DPP6: variants seen among roughly 807,000 people sequenced by gnomAD.
DPP6 encodes the protein dipeptidyl peptidase like 6, also known as A-type potassium channel modulatory protein DPP6.
In DPP6, 69 loss-of-function variants were observed where a neutral mutation model predicts 122.6. That is an observed-to-expected ratio of 0.56 (90% CI 0.46 to 0.69). The LOEUF (loss-of-function observed/expected upper bound fraction) is 0.69, where lower values mean the gene tolerates loss of function less well. Among genes scored for constraint, DPP6 ranks in the 30% least tolerant of loss-of-function variants. The probability of loss-of-function intolerance (pLI) is 0.00; values close to 1 mark genes in which losing one functional copy is unlikely to be tolerated. For missense variants in DPP6, 928 were observed against 1,116.9 expected, an observed-to-expected ratio of 0.83 and a Z score of 2.41; for synonymous variants, 418 against 433.1, an observed-to-expected ratio of 0.97 and a Z score of 0.43.
Position 154,367,996 on chromosome 7 carries a change from C to T in DPP6, c.244-78218C>T, listed in dbSNP as rs185974390. On this transcript the variant is annotated intron_variant, in intron 1 of 25. Coordinates refer to ENST00000377770, the MANE Select transcript of DPP6 (RefSeq NM_130797.4). The stretch of plus-strand genomic sequence containing the variant: ...TGATTTTTTGTATTTTTAGTAGAGA[C>T]AGGGTTTTACCATGTTGGCCAGGCT... 2.4e-3 allele frequency among the ~76,000 whole-genome samples: 361 copies of T among 152,142 alleles called. 3 individuals carry two copies. The highest frequency in any genetic ancestry group is 8.3e-3 in the African/African-American group (346 of 41,498).
intron 5 of DPP6, 121 bp downstream of exon 5, chr7:154,567,037 C>A (rs986630867): frequency 2.2e-5 from 16 of 726,996 alleles, no homozygotes; most frequent in Non-Finnish European, 2.9e-5. Context: ...CTTTGTACAT[C>A]CTGGAAGTCT....
chr7:154,023,189 C>A (rs943692502), intron 1 of DPP6, among the ~76,000 whole-genome samples: 7 of 151,878 alleles, frequency 4.6e-5, no homozygotes, highest in Non-Finnish European at 7.4e-5. Context: ...GACAAAGGTG[C>A]AGACTTACCC....
chr7:154,568,508 G>A (rs765798457), intron 5 of DPP6, among the ~76,000 whole-genome samples: 3 of 152,322 alleles, frequency 2.0e-5, no homozygotes, highest in East Asian at 1.9e-4. Flanking sequence ...AGGGGTTCCC[G>A]CAGCCGTGTG....
intron 1 of DPP6, among the ~76,000 whole-genome samples, chr7:154,355,122 T>G (rs1342730718): frequency 6.6e-6 from 1 of 152,372 alleles, no homozygotes; most frequent in East Asian, 1.9e-4. Flanking sequence ...CCTTTTTAGA[T>G]GCTATTGGCC....
At chr7:154,796,018 C>T (rs1798031594) in intron 12 of DPP6, 135 bp downstream of exon 12, 9 of 1,369,610 alleles carry the variant, frequency 6.6e-6, no homozygotes, top group Non-Finnish European at 8.7e-6. Context: ...AAACAGACGG[C>T]GTGCCGGCTC....
Position 154,833,375 on chromosome 7 carries a change from G to T in DPP6, c.1667-20405G>T, listed in dbSNP as rs556374097. On this transcript the variant is annotated intron_variant, in intron 16 of 25. Transcript: ENST00000377770. The surrounding 1 kb of genome is among the most constrained non-coding windows in gnomAD (Gnocchi z 4.3). ...GTGTTTGGTAACTGGTAAAAATGGG[G>T]TGTGGGGAGGAAAAGGCAGACAACC... 6.6e-6 allele frequency among the ~76,000 whole-genome samples: 1 copy of T among 152,352 alleles called. No homozygotes were observed. The highest frequency in any genetic ancestry group is 1.9e-4 in the East Asian group (1 of 5,186).
chr7:154,529,518 A>G (rs1323525336), intron 3 of DPP6, among the ~76,000 whole-genome samples: 1 of 152,256 alleles, frequency 6.6e-6, no homozygotes, highest in East Asian at 1.9e-4. Context: ...TACTTAAGAT[A>G]CAAATAACCA....
In DPP6 at chr7:154,052,929, G is replaced by C; in HGVS notation, c.109G>C (p.Gly37Arg). Residue 37 changes from glycine (G) to arginine (R), a missense_variant, in exon 1 of 26, where the codon GGC (glycine) becomes CGC (arginine). Transcript: ENST00000377770. This position sits in a 1 kb window ranked among gnomAD's most constrained non-coding sequence, Gnocchi z 4.8. The stretch of plus-strand genomic sequence containing the variant: ...GGGCGGCCAGGGGCCCGAGGAGGAC[G>C]GCGGCGCAGGAGCCAAGCCCCTCGG... ...LLGGQGPEED[G>R]GAGAKPLGPR... The C allele has an allele frequency of 6.8e-7, 1 of 1,468,006 alleles. No individual in the cohort carries two copies. Among genetic ancestry groups the C allele is most frequent in the Non-Finnish European group, 9.0e-7 (1 of 1,105,034 alleles). The allele number at this position is 1,468,006 out of a possible 1,614,324, so 90.9% of individuals were successfully genotyped here.
intron 1 of DPP6, among the ~76,000 whole-genome samples, chr7:154,365,879 A>C (rs1335791169): frequency 6.7e-6 from 1 of 148,928 alleles, no homozygotes; most frequent in African/African-American, 2.5e-5. Context: ...AATGGCGTGA[A>C]CCTGGGAGGC....
intron 2 of DPP6, among the ~76,000 whole-genome samples, chr7:154,469,304 A>G (rs1822059023): frequency 6.6e-6 from 1 of 152,198 alleles, no homozygotes; most frequent in African/African-American, 2.4e-5. Flanking sequence ...TCATCCCAAC[A>G]ATAGTTATTT....
chr7:154,063,617 CA>C lies in DPP6; in HGVS notation c.243+10555del, dbSNP rs1407523932. On this transcript the variant is annotated intron_variant, in intron 1 of 25. Coordinates refer to ENST00000377770, the MANE Select transcript of DPP6 (RefSeq NM_130797.4). ...CCATCGCAGTGAGGGAGGCACCCCC[CA>C]CGAGGCAGGGACTGAGAGCCACTCC... Among the ~76,000 whole-genome samples, 4 of 125,566 alleles carry C rather than the reference CA, an allele frequency of 3.2e-5. 1 individual carries two copies. Among genetic ancestry groups the C allele is most frequent in the Non-Finnish European group, 6.6e-5 (4 of 60,760 alleles). 82.4% of individuals were successfully genotyped at this position (125,566 alleles called of 152,430 possible).
intron 17 of DPP6, among the ~76,000 whole-genome samples, chr7:154,855,154 T>C (rs929468184): frequency 6.8e-6 from 1 of 147,874 alleles, no homozygotes; most frequent in East Asian, 1.9e-4. Flanking sequence ...CACCGTGAAG[T>C]GGTCAAACTG....
At chr7:154,454,657 C>T (rs1280332002) in intron 2 of DPP6, among the ~76,000 whole-genome samples, 2 of 152,060 alleles carry the variant, frequency 1.3e-5, no homozygotes, top group Non-Finnish European at 2.9e-5. Flanking sequence ...TGGGGAGAGC[C>T]TGGAGCGCAC....
chr7:153,857,256 TTTAGAA>T, the DPP6 span, among the ~76,000 whole-genome samples: 1 of 151,936 alleles, frequency 6.6e-6, no homozygotes, highest in African/African-American at 2.4e-5. Context: ...TTAATAGTTA[TTTAGAA>T]AACATTGGCC....
chr7:154,137,175 A>T (rs111751631), intron 1 of DPP6, among the ~76,000 whole-genome samples: 66,160 of 151,900 alleles, frequency 0.44, 15,679 homozygotes, highest in Non-Finnish European at 0.54. Flanking sequence ...GTTTCTTAGG[A>T]CTTCTTTTAT....
chr7:154,340,249 A>G (rs1809811822), intron 1 of DPP6, among the ~76,000 whole-genome samples: 1 of 152,258 alleles, frequency 6.6e-6, no homozygotes, highest in Admixed American at 6.5e-5. Context: ...AAAAATCTTA[A>G]TGCTTTAATG....
At chr7:154,086,735 C>T (rs61031050) in intron 1 of DPP6, among the ~76,000 whole-genome samples, 22,090 of 151,650 alleles carry the variant, frequency 0.15, 1,751 homozygotes, top group African/African-American at 0.21. Flanking sequence ...TCTCCTGCCT[C>T]AGCCTCCTGA....
chr7:154,288,023 T>G (rs1307445177), intron 1 of DPP6, among the ~76,000 whole-genome samples: 1 of 152,164 alleles, frequency 6.6e-6, no homozygotes, highest in African/African-American at 2.4e-5. Context: ...ATGAGACATA[T>G]GTGTCCCCCT....
At chr7:153,957,679 A>G (rs545098399) in intron 1 of DPP6, among the ~76,000 whole-genome samples, 1 of 152,308 alleles carries the variant, frequency 6.6e-6, no homozygotes, top group African/African-American at 2.4e-5. Flanking sequence ...GGGGTTATTC[A>G]TCCTACTCTC....
Sources: gnomAD v4.1 joint callset for allele counts (sites outside exome capture counted in the v4.1 genomes callset) on GRCh38, gnomAD v4.1.1 for gene constraint, Gnocchi (gnomAD v3.1) non-coding constraint, MANE v1.5 for transcripts, NCBI Gene and HGNC (gene_info 2026-07-23, HGNC 2026-07-21) for gene names.